Variants in GRAMD1B observed in about 807,000 individuals in gnomAD.
GRAMD1B encodes the protein protein Aster-B.
Under a neutral mutation model 99.7 loss-of-function variants are expected in GRAMD1B, and 37 were observed. The ratio of observed to expected loss-of-function variants is 0.37; its 90% CI spans 0.29 to 0.49. The LOEUF is 0.49. GRAMD1B is among the 20% of genes least tolerant of loss of function. The pLI is 0.98. For synonymous variants in GRAMD1B, 427 were observed against 387.6 expected (o/e 1.10, Z -1.19); for missense variants, 888 against 1,009.2 (o/e 0.88, Z 1.63).
At chr11:123,550,632 T>C (rs1201581315) in intron 2 of GRAMD1B, among the ~76,000 whole-genome samples, 3 of 152,154 alleles carry the variant, frequency 2.0e-5, no homozygotes, top group Admixed American at 6.6e-5. Flanking sequence ...GGACTCAAGA[T>C]CTGTTTTTAA....
At chr11:123,547,878 A>G (rs545529778) in intron 2 of GRAMD1B, among the ~76,000 whole-genome samples, 1 of 152,194 alleles carries the variant, frequency 6.6e-6, no homozygotes, top group East Asian at 1.9e-4. Flanking sequence ...TCTTACAGTC[A>G]TGTTGTAATT....
chr11:123,413,527 G>A (rs1398133988), intron 1 of GRAMD1B, among the ~76,000 whole-genome samples: 1 of 151,792 alleles, frequency 6.6e-6, no homozygotes, highest in Non-Finnish European at 1.5e-5. Context: ...TTTTTTAATG[G>A]AGGCATGAAT....
intron 2 of GRAMD1B, among the ~76,000 whole-genome samples, chr11:123,555,527 T>A (rs1946095557): frequency 1.3e-5 from 2 of 151,940 alleles, no homozygotes; most frequent in South Asian, 4.2e-4. Context: ...TTTTTGTATC[T>A]TCAGTAGAGA....
At position 123,361,573 on chromosome 11, in the gene GRAMD1B, C is replaced by T. The variant is rs567624084; in HGVS notation, c.-176+2774C>T. Among the ~76,000 whole-genome samples, 15 of 152,320 alleles carry T rather than the reference C, an allele frequency of 9.8e-5. No homozygotes were observed. The East Asian group carries it at 2.9e-3, about 29-fold the overall frequency. On this transcript the variant is annotated intron_variant, in intron 1 of 20. Coordinates refer to the GRAMD1B transcript ENST00000638157. Reference sequence around the variant, plus strand: ...CTGTGGACTGGTGCATCAGGAAACACATTTCTTTTCCTGTCTAGGCACGGT... The same window carrying T: ...CTGTGGACTGGTGCATCAGGAAACATATTTCTTTTCCTGTCTAGGCACGGT...
intron 7 of GRAMD1B, among the ~76,000 whole-genome samples, chr11:123,599,627 C>A (rs1381127377): frequency 6.6e-6 from 1 of 152,188 alleles, no homozygotes; most frequent in Non-Finnish European, 1.5e-5. Context: ...CACTCACCAC[C>A]ACGCCTGGCT....
chr11:123,374,480 A>G (rs867689041), intron 1 of GRAMD1B, among the ~76,000 whole-genome samples: 2 of 152,188 alleles, frequency 1.3e-5, no homozygotes, highest in African/African-American at 4.8e-5. Context: ...CAGACTTACT[A>G]TCTTTGGAAT....
At chr11:123,508,744 G>T (rs911842780) in intron 2 of GRAMD1B, among the ~76,000 whole-genome samples, 3 of 151,580 alleles carry the variant, frequency 2.0e-5, no homozygotes, top group Non-Finnish European at 4.4e-5. Flanking sequence ...GGAGTGCAAT[G>T]GCATGGTCTT....
chr11:123,562,800 T>G (rs1946920224), intron 2 of GRAMD1B, among the ~76,000 whole-genome samples: 1 of 152,176 alleles, frequency 6.6e-6, no homozygotes, highest in Non-Finnish European at 1.5e-5. Context: ...TGGAGGGATA[T>G]GCACCCCCAC....
chr11:123,558,538 T>C (rs1946390170), intron 2 of GRAMD1B, among the ~76,000 whole-genome samples: 1 of 152,192 alleles, frequency 6.6e-6, no homozygotes, highest in Non-Finnish European at 1.5e-5. Context: ...TATTAGCATT[T>C]TCAGATGAAG....
chr11:123,578,565 G>A (rs970389674), intron 3 of GRAMD1B: 10 of 686,750 alleles, frequency 1.5e-5, no homozygotes, highest in Non-Finnish European at 2.3e-5. Context: ...AGAAGGGCCG[G>A]CCCCACTGTC....
chr11:123,537,727 G>A (rs1177759859), intron 2 of GRAMD1B, among the ~76,000 whole-genome samples: 6 of 152,190 alleles, frequency 3.9e-5, no homozygotes, highest in Admixed American at 3.3e-4. Context: ...AGTAATAGGA[G>A]CCAACCATTA....
chr11:123,518,826 G>A (rs903554096), intron 2 of GRAMD1B, among the ~76,000 whole-genome samples: 2 of 152,192 alleles, frequency 1.3e-5, no homozygotes, highest in East Asian at 1.9e-4. Flanking sequence ...GGGGCAGAAC[G>A]AAGCTGAGTG....
intron 1 of GRAMD1B, among the ~76,000 whole-genome samples, chr11:123,477,116 A>T (rs1951317395): frequency 6.6e-6 from 1 of 152,072 alleles, no homozygotes; most frequent in Non-Finnish European, 1.5e-5. Flanking sequence ...AATGTGGCAG[A>T]TGCTCTTTTT....
chr11:123,600,571 T>A, intron 8 of GRAMD1B, 23 bp downstream of exon 8: 3 of 1,508,742 alleles, frequency 2.0e-6, no homozygotes, highest in Non-Finnish European at 2.8e-6. Flanking sequence ...GAGTTTGCTT[T>A]TACTGTGGGA....
intron 1 of GRAMD1B, among the ~76,000 whole-genome samples, chr11:123,368,408 C>G (rs1010054691): frequency 6.6e-6 from 1 of 151,446 alleles, no homozygotes; most frequent in East Asian, 1.9e-4. Context: ...AAGGCTGGAA[C>G]AGTGGTTCAC....
At chr11:123,575,108 A>T (rs546473286) in intron 2 of GRAMD1B, among the ~76,000 whole-genome samples, 8 of 152,088 alleles carry the variant, frequency 5.3e-5, no homozygotes, top group African/African-American at 1.9e-4. Context: ...CTGGGCGGTG[A>T]GGAGTTCTCA....
rs559247499 is a variant in GRAMD1B at position 123,526,045 on chromosome 11, C to T, written c.452+45152C>T. The stretch of plus-strand genomic sequence containing the variant: ...TGTTCAAGTCACATTACATGGGATT[C>T]TGTTCTTTTGGGACTTCGTCATCTT... On this transcript the variant is annotated intron_variant, in intron 2 of 19. Coordinates refer to ENST00000635736, the MANE Select transcript of GRAMD1B (RefSeq NM_001387025.1). 1.6e-5 allele frequency: 15 copies of T among 954,754 alleles called. No individual in the cohort carries two copies. In the South Asian group the frequency reaches 2.1e-4, roughly 13 times the overall value. The allele number at this position is 954,754 out of a possible 1,614,324, so 59.1% of individuals were successfully genotyped here. A position where few individuals can be genotyped will look rare whatever the true frequency, so the allele number is the denominator to read the frequency against.
intron 2 of GRAMD1B, among the ~76,000 whole-genome samples, chr11:123,552,973 T>C (rs115528376): frequency 8.7e-4 from 132 of 152,330 alleles, no homozygotes; most frequent in Middle Eastern, 3.4e-3. Flanking sequence ...TCTAAAGTTA[T>C]TTAGATACTA....
At chr11:123,435,038 G>T (rs1949097634) in intron 1 of GRAMD1B, among the ~76,000 whole-genome samples, 1 of 152,176 alleles carries the variant, frequency 6.6e-6, no homozygotes, top group Non-Finnish European at 1.5e-5. Context: ...CAAGGGTGAA[G>T]GCTTATTTCA....
Sources: gnomAD v4.1 joint callset for allele counts (sites outside exome capture counted in the v4.1 genomes callset) on GRCh38, gnomAD v4.1.1 for gene constraint, MANE v1.5 for transcripts, NCBI Gene and HGNC (gene_info 2026-07-23, HGNC 2026-07-21) for gene names.